The following ATP6V1A variants were observed in gnomAD, a reference collection of about 807,000 sequenced individuals.
The protein encoded by ATP6V1A is ATPase H+ transporting V1 subunit A.
A neutral mutation model predicts 70.1 loss-of-function variants in ATP6V1A; 18 were observed. The observed-to-expected ratio is 0.26, with a 90% CI of 0.18 to 0.38. ATP6V1A has a LOEUF of 0.38. ATP6V1A is among the 10% of genes least tolerant of loss of function. ATP6V1A has a pLI of 1.00. For missense variants in ATP6V1A, 424 were observed against 772.4 expected (o/e 0.55, Z 5.35); for synonymous variants, 232 against 253.8 (o/e 0.91, Z 0.82).
At chr3:113,750,343 A>T (rs1042720587) in intron 1 of ATP6V1A, among the ~76,000 whole-genome samples, 2 of 152,180 alleles carry the variant, frequency 1.3e-5, no homozygotes, top group Non-Finnish European at 2.9e-5. Context: ...TTAGCCAGGC[A>T]TGGCGGCACG....
intron 1 of ATP6V1A, among the ~76,000 whole-genome samples, chr3:113,771,437 T>C (rs1708839663): frequency 4.2e-5 from 1 of 23,764 alleles, no homozygotes; most frequent in Admixed American, 4.8e-4. Context: ...CTCTTTTTTT[T>C]TTTTTTTTTT....
chr3:113,797,807 A>G (rs1709169430), intron 11 of ATP6V1A, among the ~76,000 whole-genome samples: 1 of 152,190 alleles, frequency 6.6e-6, no homozygotes, highest in Non-Finnish European at 1.5e-5. Context: ...CTTAGTATAT[A>G]CTAAAACGAT....
In ATP6V1A at chr3:113,795,946, C is replaced by CTT. The variant is rs776382558; in HGVS notation, c.1290+9_1290+10dup. 7.1e-5 allele frequency: 114 copies of CTT among 1,605,280 alleles called. No homozygotes were observed. The highest frequency in any genetic ancestry group is 9.4e-5 in the Non-Finnish European group (111 of 1,176,088). ...CACTCTTGGTATCGTTCAGGTATGT[C>CTT]TTTCCCTAGTATAGTCAACTTCTGA... On this transcript the variant is annotated splice_region_variant and intron_variant, in intron 11 of 14. Transcript: ENST00000273398.
At chr3:113,807,137 G>A (rs993994204) in intron 14 of ATP6V1A, among the ~76,000 whole-genome samples, 2 of 150,946 alleles carry the variant, frequency 1.3e-5, no homozygotes, top group South Asian at 4.2e-4. Flanking sequence ...TCAGAATTTT[G>A]ATACGGATAT....
chr3:113,809,458 T>C lies in ATP6V1A; in HGVS notation c.*31T>C. The C allele has an allele frequency of 6.3e-7, 1 of 1,585,580 alleles. No homozygotes were observed. On this transcript the variant is annotated 3_prime_UTR_variant, in exon 15 of 15. Coordinates refer to ENST00000273398, the MANE Select transcript of ATP6V1A (RefSeq NM_001690.4). Reference sequence around the variant, plus strand: ...TTGAAGATTACAACTGTGATTTCCTTTTCCTCAGCAAGCTCCTATGTGTAT... The same window carrying C: ...TTGAAGATTACAACTGTGATTTCCTCTTCCTCAGCAAGCTCCTATGTGTAT...
chr3:113,758,075 C>G (rs1708664578), intron 1 of ATP6V1A, among the ~76,000 whole-genome samples: 1 of 152,072 alleles, frequency 6.6e-6, no homozygotes, highest in East Asian at 1.9e-4. Flanking sequence ...ACCTAGGAGG[C>G]AGAGGTTGCA....
rs757506848 is a variant in ATP6V1A, at chr3:113,805,468, C to T, written c.1704C>T (p.Ser568=). The change falls in exon 14 of 15, where the codon TCC becomes TCT. Residue 568 remains serine, a synonymous_variant. Transcript: ENST00000273398. ...TAQSDNKITW[S]IIREHMGDIL... Reference sequence around the variant, plus strand: ...AGAGTGACAATAAAATCACATGGTCCATTATTCGTGAGCACATGGGAGACA... The same window carrying T: ...AGAGTGACAATAAAATCACATGGTCTATTATTCGTGAGCACATGGGAGACA... 6 of 1,613,962 alleles carry T rather than the reference C, an allele frequency of 3.7e-6. No individual in the cohort carries two copies. The highest frequency in any genetic ancestry group is 5.1e-6 in the Non-Finnish European group (6 of 1,179,828).
At chr3:113,757,708 G>T (rs1171432640) in intron 1 of ATP6V1A, among the ~76,000 whole-genome samples, 1 of 152,214 alleles carries the variant, frequency 6.6e-6, no homozygotes, top group Non-Finnish European at 1.5e-5. Flanking sequence ...TGCCCACACA[G>T]CCTTATCCAG....
chr3:113,805,160 A>G (rs183252915), intron 13 of ATP6V1A, among the ~76,000 whole-genome samples, 194 bp from the exon 14 acceptor site: 1 of 152,306 alleles, frequency 6.6e-6, no homozygotes, highest in Admixed American at 6.5e-5. Flanking sequence ...ATCCTGAGAC[A>G]TCTCTGTCCA....
At chr3:113,766,617 A>G (rs1269000783) in intron 1 of ATP6V1A, among the ~76,000 whole-genome samples, 1 of 152,158 alleles carries the variant, frequency 6.6e-6, no homozygotes, top group African/African-American at 2.4e-5. Flanking sequence ...CTAGAGGGGC[A>G]CTAATCCCAT....
chr3:113,749,263 T>TCACACACA lies in ATP6V1A; in HGVS notation c.-14+2186_-14+2193dup, dbSNP rs58516178. Among the ~76,000 whole-genome samples, 415 of 141,258 alleles carry TCACACACA rather than the reference T, an allele frequency of 2.9e-3. 1 individual carries two copies. The highest frequency in any genetic ancestry group is 6.9e-3 in the Admixed American group (97 of 14,102). 92.7% of individuals were successfully genotyped at this position (141,258 alleles called of 152,430 possible). ...AAAAAGCTTTGACATTATACACAGA[T>TCACACACA]CACACACACACACACACACACACAC... On this transcript the variant is annotated intron_variant, in intron 1 of 14. Transcript: ENST00000273398.
intron 14 of ATP6V1A, among the ~76,000 whole-genome samples, chr3:113,808,307 T>TC: frequency 6.9e-6 from 1 of 145,784 alleles, no homozygotes. Context: ...TTTTTTTTTT[T>TC]TCTGAGACAG....
At chr3:113,801,348 A>C (rs1709210503) in intron 12 of ATP6V1A, among the ~76,000 whole-genome samples, 2 of 152,176 alleles carry the variant, frequency 1.3e-5, no homozygotes, top group Non-Finnish European at 2.9e-5. Flanking sequence ...CAGACTGATA[A>C]TAGAAAAGGA....
At chr3:113,791,452 G>A (rs1236809346) in intron 8 of ATP6V1A, among the ~76,000 whole-genome samples, 1 of 145,830 alleles carries the variant, frequency 6.9e-6, no homozygotes, top group Non-Finnish European at 1.5e-5. Context: ...CAAGTTATTT[G>A]ACCATCATTG....
intron 1 of ATP6V1A, among the ~76,000 whole-genome samples, chr3:113,753,068 G>C (rs1285506298): frequency 1.3e-5 from 2 of 152,074 alleles, no homozygotes; most frequent in Admixed American, 6.6e-5. Context: ...GGAAAAAAAG[G>C]CTTGAGATAT....
intron 1 of ATP6V1A, among the ~76,000 whole-genome samples, chr3:113,777,628 C>G (rs746122311): frequency 1.9e-4 from 29 of 152,268 alleles, no homozygotes; most frequent in Middle Eastern, 3.4e-3. Flanking sequence ...TAGGACACAC[C>G]TGTGGTCCCA....
At chr3:113,808,287 CTTTTTTTTTTT>C (rs748064694) in intron 14 of ATP6V1A, among the ~76,000 whole-genome samples, 1 of 89,808 alleles carries the variant, frequency 1.1e-5, no homozygotes, top group Non-Finnish European at 2.0e-5. Flanking sequence ...AAGTCTGTCT[CTTTTTTTTTTT>C]TTTTTTTTTT....
At chr3:113,757,983 A>C (rs1708663741) in intron 1 of ATP6V1A, among the ~76,000 whole-genome samples, 1 of 152,160 alleles carries the variant, frequency 6.6e-6, no homozygotes, top group South Asian at 2.1e-4. Flanking sequence ...ATCTCTACTG[A>C]AAATACAAAA....
chr3:113,781,453 G>A (rs762543276), intron 3 of ATP6V1A, among the ~76,000 whole-genome samples: 20 of 152,150 alleles, frequency 1.3e-4, no homozygotes, highest in Non-Finnish European at 2.4e-4. Flanking sequence ...GGAGGTGGGA[G>A]GTTGCAGTGA....
Sources: allele counts gnomAD v4.1 joint callset (sites outside exome capture counted in the v4.1 genomes callset), GRCh38; gene constraint gnomAD v4.1.1; transcripts MANE v1.5; gene names NCBI Gene and HGNC (gene_info 2026-07-23, HGNC 2026-07-21).